TLDC2: variants seen among roughly 807,000 people sequenced by gnomAD.
TLDC2 encodes the protein TBC/LysM-associated domain containing 2.
TLDC2 carries 23 observed loss-of-function variants against 27.9 expected under a neutral mutation model. The ratio of observed to expected loss-of-function variants is 0.82; its 90% CI spans 0.59 to 1.17. The LOEUF (loss-of-function observed/expected upper bound fraction) is 1.17. TLDC2 is among the 50% of genes most tolerant of loss of function. The pLI is 0.00. For synonymous variants in TLDC2, 124 were observed against 107.4 expected (o/e 1.16, Z -0.96); for missense variants, 286 against 273.4 (o/e 1.05, Z -0.32).
At chr20:36,879,228 G>A in intron 3 of TLDC2, 35 bp downstream of exon 3, 1 of 1,593,776 alleles carries the variant, frequency 6.3e-7, no homozygotes, top group East Asian at 2.2e-5. Flanking sequence ...GAGGCTCTGG[G>A]GGCACCCCAC....
At position 36,893,491 on chromosome 20, in the gene TLDC2, A is replaced by G. The variant is rs1990131397; in HGVS notation, c.*647A>G. On this transcript the variant is annotated 3_prime_UTR_variant, in exon 7 of 7. Transcript: ENST00000217320. ...GGCAAAGAAGGGGAGGAAGAACAGTATGTACCTGCAGAATTTAAATTTTTC... is the reference window on the plus strand; with the variant it reads ...GGCAAAGAAGGGGAGGAAGAACAGTGTGTACCTGCAGAATTTAAATTTTTC... The G allele has an allele frequency of 3.6e-6, 1 of 274,442 alleles. No individual in the cohort carries two copies. Among genetic ancestry groups the G allele is most frequent in the African/African-American group, 2.2e-5 (1 of 45,642 alleles). 17.0% of individuals were successfully genotyped at this position (274,442 alleles called of 1,614,324 possible). A position where few individuals can be genotyped will look rare whatever the true frequency, so the allele number is the denominator to read the frequency against.
intron 4 of TLDC2, among the ~76,000 whole-genome samples, chr20:36,881,760 A>G (rs1170998765): frequency 6.6e-6 from 1 of 152,180 alleles, no homozygotes; most frequent in Non-Finnish European, 1.5e-5. Context: ...GGGGGACACC[A>G]AGGCAAAGGT....
intron 6 of TLDC2, chr20:36,889,609 A>G (rs1221659090): frequency 4.0e-6 from 2 of 500,850 alleles, no homozygotes; most frequent in East Asian, 3.6e-5. Context: ...CTTACACCTT[A>G]CTCAAGCAGC....
chr20:36,883,120 C>A (rs943918738), intron 4 of TLDC2, among the ~76,000 whole-genome samples: 15 of 151,984 alleles, frequency 9.9e-5, no homozygotes, highest in Non-Finnish European at 1.9e-4. Context: ...TCTCTCCTTG[C>A]ATCTCAAACA....
At position 36,877,963 on chromosome 20, in the gene TLDC2, C is replaced by T; in HGVS notation, c.98C>T (p.Ala33Val). The T allele has an allele frequency of 6.2e-7, 1 of 1,614,086 alleles. No homozygotes were observed. The highest frequency in any genetic ancestry group is 8.5e-7 in the Non-Finnish European group (1 of 1,179,966). Reference protein sequence around the residue: ...EGNEEEEEEEAAPDPAAAPED... With the variant: ...EGNEEEEEEEVAPDPAAAPED... ...AACGAAGAGGAAGAGGAGGAGGAGG[C>T]AGCTCCAGACCCAGCTGCTGCTCCT... Residue 33 changes from alanine to valine, a missense_variant, in exon 2 of 7, where the codon GCA becomes GTA. Transcript: ENST00000217320.
intron 3 of TLDC2, among the ~76,000 whole-genome samples, chr20:36,879,503 A>G (rs1436846362): frequency 2.0e-5 from 3 of 152,102 alleles, no homozygotes; most frequent in Non-Finnish European, 2.9e-5. Context: ...TAAGCAAATA[A>G]TCATTTGACT....
chr20:36,878,307 G>A (rs775944598), intron 2 of TLDC2, among the ~76,000 whole-genome samples: 18 of 152,194 alleles, frequency 1.2e-4, no homozygotes, highest in East Asian at 1.9e-4. Context: ...TAGGACGGGC[G>A]CGGTGGCTCA....
At chr20:36,890,163 A>C (rs1381141038) in intron 6 of TLDC2, 1 of 152,234 alleles carries the variant, frequency 6.6e-6, no homozygotes, top group Admixed American at 6.5e-5. Flanking sequence ...GGAGTAAATG[A>C]GTAATATGCA....
At chr20:36,880,794 A>G (rs1227230196) in intron 4 of TLDC2, 44 bp downstream of exon 4, 4 of 1,581,770 alleles carry the variant, frequency 2.5e-6, no homozygotes, top group Non-Finnish European at 3.5e-6. Flanking sequence ...GCGTGTGGCG[A>G]GACAAAGCTC....
At chr20:36,879,449 A>G (rs1200957818) in intron 3 of TLDC2, among the ~76,000 whole-genome samples, 1 of 152,240 alleles carries the variant, frequency 6.6e-6, no homozygotes, top group Non-Finnish European at 1.5e-5. Context: ...AAGAGGTCCC[A>G]GCTCTCTTGG....
At chr20:36,881,150 A>C (rs548895564) in intron 4 of TLDC2, among the ~76,000 whole-genome samples, 11 of 152,274 alleles carry the variant, frequency 7.2e-5, no homozygotes, top group Admixed American at 2.0e-4. Context: ...AGGCCAACGA[A>C]GGTGGATTGC....
intron 6 of TLDC2, chr20:36,891,413 G>A (rs6029943): frequency 1.3e-5 from 2 of 152,340 alleles, no homozygotes; most frequent in South Asian, 2.1e-4. Flanking sequence ...GGGAGGCTTA[G>A]TCCGGGGAGC....
chr20:36,880,071 A>ATATATATATATATATG lies in TLDC2; in HGVS notation c.343-569_343-568insGTATATATATATATAT, dbSNP rs1555828522. Among the ~76,000 whole-genome samples the ATATATATATATATATG allele has an allele frequency of 6.0e-3, 195 of 32,384 alleles. 2 individuals are homozygous for ATATATATATATATATG. Among genetic ancestry groups the ATATATATATATATATG allele is most frequent in the African/African-American group, 7.6e-3 (44 of 5,806 alleles). The allele number at this position is 32,384 out of a possible 152,430, so 21.2% of individuals were successfully genotyped here. ...TTACTTGTGTAGAATATATATATACATATATATATATATATATATATATAT... is the reference window on the plus strand; with the variant it reads ...TTACTTGTGTAGAATATATATATACATATATATATATATATGTATATATATATATATATATATATAT... On this transcript the variant is annotated intron_variant, in intron 3 of 6. Coordinates refer to ENST00000217320, the MANE Select transcript of TLDC2 (RefSeq NM_080628.3).
At chr20:36,888,255 A>T (rs530938979) in intron 5 of TLDC2, among the ~76,000 whole-genome samples, 1 of 151,684 alleles carries the variant, frequency 6.6e-6, no homozygotes, top group Non-Finnish European at 1.5e-5. Context: ...TTTTTGAGAC[A>T]GAGTCTCGCT....
rs1260256788 is a variant in TLDC2 at position 36,880,751 on chromosome 20, G to C, written c.438+1G>C. 23 of 1,614,014 alleles carry C rather than the reference G, an allele frequency of 1.4e-5. No homozygotes were observed. The highest frequency in any genetic ancestry group is 1.9e-5 in the Non-Finnish European group (23 of 1,179,858). Reference sequence around the variant, plus strand: ...CTTCTCCTTCTCCCCACAGCTGAAGGTGATGTTCCCAACCTTCCATGGGGG... The same window carrying C: ...CTTCTCCTTCTCCCCACAGCTGAAGCTGATGTTCCCAACCTTCCATGGGGG... On this transcript the variant is annotated splice_donor_variant, in intron 4 of 6. Coordinates refer to ENST00000217320, the MANE Select transcript of TLDC2 (RefSeq NM_080628.3). LOFTEE classifies it high-confidence loss of function.
At chr20:36,879,910 A>T (rs570143786) in intron 3 of TLDC2, among the ~76,000 whole-genome samples, 1 of 150,888 alleles carries the variant, frequency 6.6e-6, no homozygotes, top group Admixed American at 6.6e-5. Flanking sequence ...AGAGATGTAC[A>T]CTGGCATTAA....
intron 6 of TLDC2, 29 bp from the exon 7 acceptor site, chr20:36,892,833 T>G: frequency 6.7e-7 from 1 of 1,491,536 alleles, no homozygotes; most frequent in Middle Eastern, 1.7e-4. Flanking sequence ...AAATACAAAA[T>G]TAAAGCATGA....
At chr20:36,877,149 G>A (rs1463105178) in intron 1 of TLDC2, among the ~76,000 whole-genome samples, 1 of 152,128 alleles carries the variant, frequency 6.6e-6, no homozygotes, top group African/African-American at 2.4e-5. Context: ...ACTTTGGGAG[G>A]CCAGGTGGAT....
At chr20:36,892,547 T>C (rs1601107814) in intron 6 of TLDC2, 2 of 270,770 alleles carry the variant, frequency 7.4e-6, no homozygotes, top group East Asian at 9.9e-5. Context: ...TCCCAGCTAC[T>C]TGGGGGGCTG....
Sources: gnomAD v4.1 joint callset for allele counts (sites outside exome capture counted in the v4.1 genomes callset) on GRCh38, gnomAD v4.1.1 for gene constraint, MANE v1.5 for transcripts, NCBI Gene and HGNC (gene_info 2026-07-23, HGNC 2026-07-21) for gene names.